The following GALNTL5 variants were observed in gnomAD, a reference collection of about 807,000 sequenced individuals.
GALNTL5 encodes the protein polypeptide N-acetylgalactosaminyltransferase like 5.
A neutral mutation model predicts 51.0 loss-of-function variants in GALNTL5; 44 were observed. The ratio of observed to expected loss-of-function variants is 0.86; its 90% confidence interval spans 0.68 to 1.11. The LOEUF (loss-of-function observed/expected upper bound fraction) is 1.11. GALNTL5 is among the 50% of genes least tolerant of loss of function. The probability of loss-of-function intolerance (pLI) is 0.00; values close to 1 mark genes in which losing one functional copy is unlikely to be tolerated. For synonymous variants in GALNTL5, 192 were observed against 182.8 expected, an observed-to-expected ratio of 1.05 and a Z score of -0.41; for missense variants, 528 against 531.8, an observed-to-expected ratio of 0.99 and a Z score of 0.07.
intron 6 of GALNTL5, among the ~76,000 whole-genome samples, chr7:152,003,387 G>C (rs1244820694): frequency 6.6e-6 from 1 of 152,192 alleles, no homozygotes; most frequent in African/African-American, 2.4e-5. Flanking sequence ...TTCACACAAA[G>C]ACCACAAGGT....
intron 5 of GALNTL5, among the ~76,000 whole-genome samples, chr7:151,993,008 C>T (rs953408213): frequency 2.0e-5 from 3 of 152,068 alleles, no homozygotes; most frequent in Non-Finnish European, 4.4e-5. Flanking sequence ...GAGGCCGAGG[C>T]GGGCGGATCA....
chr7:151,986,679 T>C (rs897089955), intron 4 of GALNTL5, among the ~76,000 whole-genome samples: 1 of 151,344 alleles, frequency 6.6e-6, no homozygotes, highest in Non-Finnish European at 1.5e-5. Flanking sequence ...TTGATTTTGA[T>C]AATGAATCAC....
At chr7:151,968,432 C>T (rs1405146270) in intron 2 of GALNTL5, among the ~76,000 whole-genome samples, 1 of 152,232 alleles carries the variant, frequency 6.6e-6, no homozygotes, top group East Asian at 1.9e-4. Context: ...GATCCCTGCT[C>T]TGAACGGCCC....
At chr7:151,966,657 C>A (rs2081064454) in intron 1 of GALNTL5, among the ~76,000 whole-genome samples, 1 of 152,228 alleles carries the variant, frequency 6.6e-6, no homozygotes, top group Non-Finnish European at 1.5e-5. Context: ...AGAGCTGCAA[C>A]TTATGAGTCT....
At chr7:152,019,207 G>C (rs896390110) in intron 8 of GALNTL5, among the ~76,000 whole-genome samples, 2 of 152,226 alleles carry the variant, frequency 1.3e-5, no homozygotes, top group African/African-American at 4.8e-5. Flanking sequence ...CTGAATGGCA[G>C]GGCCAGACTT....
At chr7:151,997,508 G>A (rs1036108630) in intron 5 of GALNTL5, among the ~76,000 whole-genome samples, 2 of 152,196 alleles carry the variant, frequency 1.3e-5, no homozygotes, top group Non-Finnish European at 2.9e-5. Context: ...ATTTTATGAT[G>A]AGTGAAAATA....
intron 6 of GALNTL5, 80 bp from the exon 7 acceptor site, chr7:152,007,747 A>C: frequency 3.5e-6 from 3 of 860,614 alleles, no homozygotes; most frequent in Non-Finnish European, 5.9e-6. Context: ...ATAAGTTATT[A>C]CTAATTTAAT....
rs61288964 is a variant in GALNTL5 at position 151,980,737 on chromosome 7, A to ATTTTT, written c.369-2227_369-2223dup. Among the ~76,000 whole-genome samples, 27 of 98,958 alleles carry ATTTTT rather than the reference A, an allele frequency of 2.7e-4. 2 individuals carry two copies. Among genetic ancestry groups the ATTTTT allele is most frequent in the Admixed American group, 1.9e-3 (16 of 8,418 alleles). The allele number at this position is 98,958 out of a possible 152,430, so 64.9% of individuals were successfully genotyped here. The stretch of plus-strand genomic sequence containing the variant: ...CCGTGTGATTGCAGTGCTAACAATG[A>ATTTTT]TTTTTTTTTTTTTTTTTTTTTTTTT... On this transcript the variant is annotated intron_variant, in intron 3 of 8. Coordinates refer to ENST00000392800, the MANE Select transcript of GALNTL5 (RefSeq NM_145292.4).
At chr7:151,994,218 T>A (rs185325122) in intron 5 of GALNTL5, among the ~76,000 whole-genome samples, 1 of 152,326 alleles carries the variant, frequency 6.6e-6, no homozygotes, top group Non-Finnish European at 1.5e-5. Context: ...GATCCTGTTG[T>A]GTGGGCAGGT....
At chr7:151,971,105 A>AGATAGAT in intron 3 of GALNTL5, 40 bp downstream of exon 3, 1 of 1,135,414 alleles carries the variant, frequency 8.8e-7, no homozygotes, top group Admixed American at 2.2e-5. Context: ...CTAGATAGAT[A>AGATAGAT]GATAGATAGA....
chr7:152,000,230 A>G (rs2081554562), intron 5 of GALNTL5, among the ~76,000 whole-genome samples: 1 of 152,246 alleles, frequency 6.6e-6, no homozygotes, highest in South Asian at 2.1e-4. Flanking sequence ...AGAGAGCTAT[A>G]GGGATCATCT....
At chr7:152,018,384 T>C (rs1287571010) in intron 8 of GALNTL5, among the ~76,000 whole-genome samples, 1 of 152,204 alleles carries the variant, frequency 6.6e-6, no homozygotes, top group Non-Finnish European at 1.5e-5. Flanking sequence ...TTTAATCAGA[T>C]AGGTTAAAAA....
intron 6 of GALNTL5, among the ~76,000 whole-genome samples, chr7:152,004,216 G>C (rs188250063): frequency 2.0e-5 from 3 of 151,496 alleles, no homozygotes; most frequent in Admixed American, 1.3e-4. Flanking sequence ...GTTTTCAAGG[G>C]CTAATTAACT....
intron 5 of GALNTL5, among the ~76,000 whole-genome samples, chr7:151,999,670 A>AT (rs201694556): frequency 0.012 from 1,833 of 152,262 alleles, 19 homozygotes; most frequent in Non-Finnish European, 0.018. Flanking sequence ...ACCAGATGTT[A>AT]TTTTTCACCT....
At chr7:151,960,741 C>G (rs572043135) in intron 1 of GALNTL5, 1 of 152,180 alleles carries the variant, frequency 6.6e-6, no homozygotes, top group Non-Finnish European at 1.5e-5. Flanking sequence ...TTGGGCAAAG[C>G]GGCTTGCCTC....
intron 2 of GALNTL5, 120 bp downstream of exon 2, chr7:151,967,613 T>A (rs61217445): frequency 0.052 from 38,356 of 733,640 alleles, 1,557 homozygotes; most frequent in East Asian, 0.2. Context: ...AGATATAAAT[T>A]ATTTTATATA....
At chr7:151,967,520 G>GC in intron 2 of GALNTL5, 27 bp downstream of exon 2, 2 of 1,596,804 alleles carry the variant, frequency 1.3e-6, no homozygotes, top group African/African-American at 2.7e-5. Context: ...TTTTCCGTTA[G>GC]CCATTTGAAG....
chr7:152,005,067 A>G (rs1049018014), intron 6 of GALNTL5, among the ~76,000 whole-genome samples: 1 of 152,210 alleles, frequency 6.6e-6, no homozygotes, highest in African/African-American at 2.4e-5. Flanking sequence ...TTACATTCCT[A>G]CCAACACTGT....
At chr7:151,961,364 G>A (rs557836611) in intron 1 of GALNTL5, among the ~76,000 whole-genome samples, 19 of 152,148 alleles carry the variant, frequency 1.2e-4, no homozygotes, top group South Asian at 8.3e-4. Context: ...AAAACTAGCC[G>A]GGTGTGGTGG....
Sources: allele counts gnomAD v4.1 joint callset (sites outside exome capture counted in the v4.1 genomes callset), GRCh38; gene constraint gnomAD v4.1.1; transcripts MANE v1.5; gene names NCBI Gene and HGNC (gene_info 2026-07-23, HGNC 2026-07-21).